DHX38: variants seen among roughly 807,000 people sequenced by gnomAD.
DHX38 encodes pre-mRNA-splicing factor ATP-dependent RNA helicase PRP16.
Under a neutral mutation model 153.1 loss-of-function variants are expected in DHX38, and 100 were observed. The observed-to-expected ratio is 0.65, with a 90% confidence interval of 0.56 to 0.77. The LOEUF (loss-of-function observed/expected upper bound fraction) is 0.77. Ranked by LOEUF, DHX38 falls within the 30% of genes least tolerant of loss-of-function variation. DHX38 has a pLI of 0.00. For missense variants in DHX38, 1,440 were observed against 1,654.0 expected (o/e 0.87, Z 2.24); for synonymous variants, 650 against 631.7 (o/e 1.03, Z -0.43).
intron 26 of DHX38, 23 bp from the exon 27 acceptor site, chr16:72,112,390 G>A: frequency 6.2e-7 from 1 of 1,605,002 alleles, no homozygotes; most frequent in Non-Finnish European, 8.5e-7. Flanking sequence ...GGTGTTTCCT[G>A]ATCTCTCCTG....
intron 1 of DHX38, chr16:72,094,278 G>A (rs1011366864): frequency 2.0e-5 from 3 of 152,624 alleles, no homozygotes; most frequent in East Asian, 1.9e-4. Context: ...GCCTCGCTGA[G>A]ATCCAGGGAT....
rs1343475897 is a variant in DHX38, at chr16:72,108,796, C to T, written c.3256-4C>T. On this transcript the variant is annotated splice_polypyrimidine_tract_variant and splice_region_variant and intron_variant, in intron 23 of 26. Coordinates refer to ENST00000268482, the MANE Select transcript of DHX38 (RefSeq NM_014003.4). Reference sequence around the variant, plus strand: ...TGTGGCTGCCTGTTGTGTCTCCTCCCTAGGGAATCGGGGAGTACGTGAACA... The same window carrying T: ...TGTGGCTGCCTGTTGTGTCTCCTCCTTAGGGAATCGGGGAGTACGTGAACA... The T allele has an allele frequency of 1.9e-6, 3 of 1,612,186 alleles. No individual in the cohort carries two copies. Among genetic ancestry groups the T allele is most frequent in the African/African-American group, 2.7e-5 (2 of 74,894 alleles).
In DHX38 at chr16:72,102,992, C is replaced by T. The variant is rs901408249; in HGVS notation, c.1500-82C>T. On this transcript the variant is annotated intron_variant, in intron 11 of 26. Transcript: ENST00000268482. ...TCTTGCCGAAGTCCTCATTCCTGAG[C>T]GTAGGAAGGAGGGCAGCAACCCAAT... 14 of 1,563,964 alleles carry T rather than the reference C, an allele frequency of 9.0e-6. No individual in the cohort carries two copies. In the East Asian group the frequency reaches 1.1e-4, roughly 13 times the overall value.
chr16:72,108,262 G>C lies in DHX38; in HGVS notation c.3000G>C (p.Lys1000Asn). The stretch of plus-strand genomic sequence containing the variant: ...AGGAGAGTGATCAAATCCGGGAGAA[G>C]TTCGCTGTTCCTGAGAGCGATCATT... The part of the protein sequence containing the change: ...REEESDQIRE[K>N]FAVPESDHLT... Residue 1000 changes from lysine (K) to asparagine (N), a missense_variant, in exon 22 of 27, where the codon AAG (lysine) becomes AAC (asparagine). This residue lies in a region of DHX38 where 543 missense variants were observed against 717.9 expected (regional missense o/e 0.76). Coordinates refer to ENST00000268482, the MANE Select transcript of DHX38 (RefSeq NM_014003.4). 6.2e-7 allele frequency: 1 copy of C among 1,614,130 alleles called. No homozygotes were observed. The highest frequency in any genetic ancestry group is 8.5e-7 in the Non-Finnish European group (1 of 1,180,018).
In DHX38 at chr16:72,107,812, C is replaced by T; in HGVS notation, c.2964+13C>T. On this transcript the variant is annotated intron_variant, in intron 21 of 26. Transcript: ENST00000268482. This position sits in a 1 kb window ranked among gnomAD's most constrained non-coding sequence, Gnocchi z 5.3. ...CTACAGGCCCAAGGTGGGGCAGCGG[C>T]TGGCTCCCCTCTCCCCGGAGGGCTC... 1 of 1,611,680 alleles carries T rather than the reference C, an allele frequency of 6.2e-7. No individual in the cohort carries two copies. The highest frequency in any genetic ancestry group is 8.5e-7 in the Non-Finnish European group (1 of 1,179,298).
In DHX38 at chr16:72,107,497, A is replaced by G; in HGVS notation, c.2758A>G (p.Met920Val). The change falls in exon 20 of 27, where the codon ATG becomes GTG. Residue 920 changes from methionine to valine, a missense_variant. This residue lies in a region of DHX38 where 543 missense variants were observed against 717.9 expected (regional missense o/e 0.76). Coordinates refer to ENST00000268482, the MANE Select transcript of DHX38 (RefSeq NM_014003.4). This position sits in a 1 kb window ranked among gnomAD's most constrained non-coding sequence, Gnocchi z 5.3. ...HFMDPPPEDN[M>V]LNSMYQLWIL... is the part of the protein sequence containing the mutation. ...CATGGACCCGCCCCCGGAGGACAAC[A>G]TGCTCAACTCTATGTATCAGCTCTG... is the stretch of plus-strand genomic sequence containing the variant. The G allele has an allele frequency of 6.2e-7, 1 of 1,614,158 alleles. No individual in the cohort carries two copies. The highest frequency in any genetic ancestry group is 8.5e-7 in the Non-Finnish European group (1 of 1,180,030).
In DHX38 at chr16:72,104,604, CT is replaced by C; in HGVS notation, c.2130del (p.Val711LeufsTer18). On this transcript the variant is annotated frameshift_variant, in exon 15 of 27. Transcript: ENST00000268482. LOFTEE classifies it high-confidence loss of function. The surrounding 1 kb of genome is among the most constrained non-coding windows in gnomAD (Gnocchi z 4.5). Reference sequence around the variant, plus strand: ...TTCCACATCCCTGGCCGTACCTTCCCTGTTGACATCCTCTTCAGCAAGGTAT... The same window carrying C: ...TTCCACATCCCTGGCCGTACCTTCCCGTTGACATCCTCTTCAGCAAGGTAT... ...PIFHIPGRTFPVDILFSKTPQ... is the reference protein window; with the variant it reads ...PIFHIPGRTFXVDILFSKTPQ... The C allele has an allele frequency of 6.2e-7, 1 of 1,614,172 alleles. No homozygotes were observed. Among genetic ancestry groups the C allele is most frequent in the Non-Finnish European group, 8.5e-7 (1 of 1,180,026 alleles).
At chr16:72,108,699 G>A (rs2042217356) in intron 23 of DHX38, 92 bp downstream of exon 23, 2 of 1,586,752 alleles carry the variant, frequency 1.3e-6, no homozygotes, top group Admixed American at 3.4e-5. Flanking sequence ...TGCAGATCTG[G>A]GCTTCCGCCA....
intron 1 of DHX38, 87 bp from the exon 2 acceptor site, chr16:72,096,052 C>G: frequency 7.4e-7 from 1 of 1,353,916 alleles, no homozygotes; most frequent in Non-Finnish European, 1.0e-6. Flanking sequence ...GAAGGTTAAT[C>G]ACCTACATAT....
At position 72,096,314 on chromosome 16, in the gene DHX38, T is replaced by G; in HGVS notation, c.157T>G (p.Leu53Val). The G allele has an allele frequency of 2.5e-6, 4 of 1,614,214 alleles. 1 individual carries two copies. Among genetic ancestry groups the G allele is most frequent in the Non-Finnish European group, 8.5e-7 (1 of 1,180,034 alleles). The change falls in exon 2 of 27, where the codon TTG (leucine) becomes GTG (valine). Residue 53 changes from leucine to valine, a missense_variant. Transcript: ENST00000268482. ...CCGCCCTTCATTACTCGGACTGGACTTGCTGGCTTCCCTGAAACGGAGAGA... is the reference window on the plus strand; with the variant it reads ...CCGCCCTTCATTACTCGGACTGGACGTGCTGGCTTCCCTGAAACGGAGAGA... ...APRPSLLGLD[L>V]LASLKRRERE...
chr16:72,100,591 C>G lies in DHX38; in HGVS notation c.1272C>G (p.Thr424=). ...TTCTGGATGGGCGCATTGTCTTCAC[C>G]AAGCAGGTGAGGCTCCTCTGTGGCC... ...PPFLDGRIVF[T]KQPEPVIPVK... The change falls in exon 9 of 27, where the codon ACC becomes ACG. Residue 424 remains threonine (T), a synonymous_variant. Transcript: ENST00000268482. The G allele has an allele frequency of 6.2e-7, 1 of 1,613,816 alleles. No homozygotes were observed. Among genetic ancestry groups the G allele is most frequent in the Non-Finnish European group, 8.5e-7 (1 of 1,179,936 alleles).
At position 72,098,793 on chromosome 16, in the gene DHX38, G is replaced by A; in HGVS notation, c.764+1G>A. 1 of 1,614,122 alleles carries A rather than the reference G, an allele frequency of 6.2e-7. No homozygotes were observed. ...GGCTGTCCACTCGAGATCGAGACAG[G>A]TGATGTTCTGGGCAGAGCAGCCCAG... is the stretch of plus-strand genomic sequence containing the variant. On this transcript the variant is annotated splice_donor_variant, in intron 5 of 26. Transcript: ENST00000268482. LOFTEE classifies it high-confidence loss of function.
intron 3 of DHX38, 84 bp from the exon 4 acceptor site, chr16:72,097,593 G>A (rs1014820728): frequency 1.2e-4 from 157 of 1,328,726 alleles, no homozygotes; most frequent in Non-Finnish European, 1.6e-4. Context: ...TGAGTGAGTG[G>A]GCAGCCTGTC....
rs1316608740 is a variant in DHX38, at chr16:72,112,587, T to A, written c.*90T>A. On this transcript the variant is annotated 3_prime_UTR_variant, in exon 27 of 27. Coordinates refer to ENST00000268482, the MANE Select transcript of DHX38 (RefSeq NM_014003.4). Reference sequence around the variant, plus strand: ...TGAGGCTGCGGACAAAGCCCTTTCATCTGAGGACTTTCATCTGTGCATATC... The same window carrying A: ...TGAGGCTGCGGACAAAGCCCTTTCAACTGAGGACTTTCATCTGTGCATATC... The A allele has an allele frequency of 4.3e-6, 6 of 1,389,848 alleles. No individual in the cohort carries two copies. The East Asian group carries it at 1.2e-4, about 27-fold the overall frequency. The allele number at this position is 1,389,848 out of a possible 1,614,324, so 86.1% of individuals were successfully genotyped here. A position where few individuals can be genotyped will look rare whatever the true frequency, so the allele number is the denominator to read the frequency against.
chr16:72,109,803 A>G, intron 25 of DHX38: 1 of 239,724 alleles, frequency 4.2e-6, no homozygotes, highest in Non-Finnish European at 8.0e-6. Flanking sequence ...TGCCTCTATA[A>G]TTGTCAACGT....
In DHX38 at chr16:72,103,113, C is replaced by T. The variant is rs772679115; in HGVS notation, c.1539C>T (p.Ser513=). 9.9e-6 allele frequency: 16 copies of T among 1,614,084 alleles called. No individual in the cohort carries two copies. Among genetic ancestry groups the T allele is most frequent in the Middle Eastern group, 1.6e-4 (1 of 6,084 alleles). The change falls in exon 12 of 27, where the codon AGC becomes AGT. Residue 513 remains serine (S), a synonymous_variant. Transcript: ENST00000268482. ...QKFADHMKRK[S]EASSEFAKKK... The stretch of plus-strand genomic sequence containing the variant: ...TTGCAGATCACATGAAGAGAAAGAG[C>T]GAAGCCAGCAGTGAATTTGCAAAGA...
chr16:72,107,747 T>A lies in DHX38; in HGVS notation c.2912T>A (p.Ile971Asn), dbSNP rs1194754790. The A allele has an allele frequency of 1.9e-6, 3 of 1,614,084 alleles. No individual in the cohort carries two copies. ...VSCDMGCSSE[I>N]LLIVSMLSVP... is the part of the protein sequence containing the mutation. ...TGTGACATGGGCTGCAGCTCCGAGA[T>A]CCTGCTCATCGTTTCCATGCTCTCG... Residue 971 changes from isoleucine to asparagine, a missense_variant, in exon 21 of 27, where the codon ATC becomes AAC. By Grantham distance (149) the Ile-to-Asn change is moderately radical. This residue lies in a region of DHX38 where 543 missense variants were observed against 717.9 expected (regional missense o/e 0.76). Transcript: ENST00000268482. This position sits in a 1 kb window ranked among gnomAD's most constrained non-coding sequence, Gnocchi z 5.3.
intron 10 of DHX38, 77 bp downstream of exon 10, chr16:72,101,270 G>A: frequency 6.6e-7 from 1 of 1,513,146 alleles, no homozygotes; most frequent in Non-Finnish European, 9.1e-7. Flanking sequence ...GTCTTACTAG[G>A]CCCACAGATA....
intron 25 of DHX38, chr16:72,109,725 A>AT: frequency 2.4e-6 from 1 of 420,236 alleles, no homozygotes; most frequent in Non-Finnish European, 4.2e-6. Flanking sequence ...AAAACTCATT[A>AT]TTGAAAAGTC....
Sources: allele counts gnomAD v4.1 joint callset, GRCh38; gene constraint gnomAD v4.1.1; regional missense constraint gnomAD v4.1.1; non-coding constraint Gnocchi (gnomAD v3.1); transcripts MANE v1.5; gene names NCBI Gene and HGNC (gene_info 2026-07-23, HGNC 2026-07-21).